TEC: variants seen among roughly 807,000 people sequenced by gnomAD.
TEC encodes the protein tyrosine-protein kinase Tec.
Under a neutral mutation model 93.0 loss-of-function variants are expected in TEC, and 72 were observed. That is an observed-to-expected ratio of 0.77 (90% CI 0.64 to 0.94). TEC has a LOEUF of 0.94. Ranked by LOEUF, TEC falls within the 40% of genes least tolerant of loss-of-function variation. The pLI is 0.00. For synonymous variants in TEC, 249 were observed against 247.7 expected, an observed-to-expected ratio of 1.01 and a Z score of -0.05; for missense variants, 630 against 757.9, an observed-to-expected ratio of 0.83 and a Z score of 1.98.
In TEC at chr4:48,154,650, A is replaced by G. The variant is rs570994439; in HGVS notation, c.792+2030T>C. 1.3e-3 allele frequency among the ~76,000 whole-genome samples: 196 copies of G among 152,324 alleles called. 1 individual carries two copies. The highest frequency in any genetic ancestry group is 2.4e-3 in the Non-Finnish European group (160 of 68,014). On this transcript the variant is annotated intron_variant, in intron 9 of 17. Coordinates refer to ENST00000381501, the MANE Select transcript of TEC (RefSeq NM_003215.3). Reference sequence around the variant, plus strand: ...GGTTGTTTCAAAATGAAGGGAAAAAATGATATAGATAAAACTAAATGGGTA... The same window carrying G: ...GGTTGTTTCAAAATGAAGGGAAAAAGTGATATAGATAAAACTAAATGGGTA...
intron 1 of TEC, among the ~76,000 whole-genome samples, chr4:48,247,549 T>C (rs1281659755): frequency 3.3e-5 from 5 of 152,234 alleles, no homozygotes; most frequent in African/African-American, 7.2e-5. Context: ...AATATGATAT[T>C]ATTCTACCCT....
intron 9 of TEC, among the ~76,000 whole-genome samples, chr4:48,154,243 G>A (rs1193605199): frequency 6.6e-6 from 1 of 152,136 alleles, no homozygotes; most frequent in Non-Finnish European, 1.5e-5. Context: ...TTTTTAAATT[G>A]TTGGTAAAAT....
chr4:48,150,808 T>C, intron 10 of TEC, 55 bp downstream of exon 10: 3 of 1,294,736 alleles, frequency 2.3e-6, no homozygotes, highest in Non-Finnish European at 2.1e-6. Context: ...ATAAACTACA[T>C]AGGAAGTTCA....
intron 1 of TEC, among the ~76,000 whole-genome samples, chr4:48,255,683 C>T (rs1724322802): frequency 6.6e-6 from 1 of 152,144 alleles, no homozygotes; most frequent in African/African-American, 2.4e-5. Context: ...TTCTCAGTAA[C>T]TCAGGTTCCT....
intron 2 of TEC, among the ~76,000 whole-genome samples, chr4:48,206,979 A>C (rs1722738828): frequency 6.6e-6 from 1 of 152,004 alleles, no homozygotes; most frequent in Non-Finnish European, 1.5e-5. Flanking sequence ...ACAAACAAAC[A>C]AAAAAACCCC....
chr4:48,201,952 A>ATTTT (rs780630248), intron 2 of TEC, among the ~76,000 whole-genome samples: 7,751 of 116,190 alleles, frequency 0.067, 384 homozygotes, highest in East Asian at 0.15. Context: ...ACTGTGGCTT[A>ATTTT]TTTTTTTTTT....
chr4:48,253,180 A>G (rs1724255565), intron 1 of TEC, among the ~76,000 whole-genome samples: 2 of 152,190 alleles, frequency 1.3e-5, no homozygotes, highest in South Asian at 4.1e-4. Flanking sequence ...TACGTAAGTT[A>G]TCTTACTTTT....
intron 2 of TEC, among the ~76,000 whole-genome samples, chr4:48,196,434 C>T (rs962605906): frequency 6.6e-6 from 1 of 152,180 alleles, no homozygotes; most frequent in African/African-American, 2.4e-5. Flanking sequence ...ATAATAGCAC[C>T]AGAACTTCAT....
chr4:48,234,499 C>G (rs1723732266), intron 1 of TEC, among the ~76,000 whole-genome samples: 1 of 152,108 alleles, frequency 6.6e-6, no homozygotes, highest in African/African-American at 2.4e-5. Flanking sequence ...GAGGTTCTTC[C>G]AAAGAATTCT....
At chr4:48,145,038 G>C in intron 14 of TEC, 41 bp downstream of exon 14, 1 of 1,577,424 alleles carries the variant, frequency 6.3e-7, no homozygotes, top group Non-Finnish European at 8.7e-7. Context: ...TGTTACAAAG[G>C]AATTCAGCCA....
At chr4:48,242,765 T>C (rs1723953732) in intron 1 of TEC, among the ~76,000 whole-genome samples, 1 of 152,186 alleles carries the variant, frequency 6.6e-6, no homozygotes, top group Admixed American at 6.5e-5. Context: ...TCAACCAAGC[T>C]CTCATGCTCT....
intron 14 of TEC, among the ~76,000 whole-genome samples, chr4:48,143,666 T>G (rs1040942081): frequency 1.3e-5 from 2 of 152,150 alleles, no homozygotes; most frequent in Non-Finnish European, 2.9e-5. Flanking sequence ...TCTCCAAATC[T>G]TCAATTCTCT....
intron 3 of TEC, among the ~76,000 whole-genome samples, chr4:48,173,238 C>T (rs1721186006): frequency 6.6e-6 from 1 of 152,110 alleles, no homozygotes; most frequent in Non-Finnish European, 1.5e-5. Flanking sequence ...AAACTCATCT[C>T]GTGTCAGTAC....
intron 1 of TEC, among the ~76,000 whole-genome samples, chr4:48,232,895 C>G (rs1449839516): frequency 6.6e-6 from 1 of 152,160 alleles, no homozygotes; most frequent in East Asian, 1.9e-4. Flanking sequence ...TATGGTATCT[C>G]TAGAAGTTGT....
Position 48,167,902 on chromosome 4 carries a change from T to C in TEC, c.547A>G (p.Ile183Val). Residue 183 changes from isoleucine to valine, a missense_variant, in exon 7 of 18, where the codon ATC becomes GTC. By Grantham distance (29) the Ile-to-Val change is conservative. Coordinates refer to ENST00000381501, the MANE Select transcript of TEC (RefSeq NM_003215.3). ...TGGAAATCATACATGGCTACAACGATTTCTTCACTATTATCTTCTTCTTCT... is the reference window on the plus strand; with the variant it reads ...TGGAAATCATACATGGCTACAACGACTTCTTCACTATTATCTTCTTCTTCT... The part of the protein sequence containing the change: ...PLEEEDNSEE[I>V]VVAMYDFQAA... 1 of 1,613,872 alleles carries C rather than the reference T, an allele frequency of 6.2e-7. No homozygotes were observed. The highest frequency in any genetic ancestry group is 8.5e-7 in the Non-Finnish European group (1 of 1,179,902).
At chr4:48,222,172 G>T (rs1239136555) in intron 2 of TEC, among the ~76,000 whole-genome samples, 4 of 152,160 alleles carry the variant, frequency 2.6e-5, no homozygotes, top group African/African-American at 9.7e-5. Flanking sequence ...ATCCTGGCAG[G>T]CAGGCAGAGG....
intron 3 of TEC, among the ~76,000 whole-genome samples, chr4:48,173,145 G>T (rs906189962): frequency 2.0e-5 from 3 of 152,006 alleles, no homozygotes; most frequent in African/African-American, 7.3e-5. Context: ...ATATGAGTAG[G>T]ATATTTAACC....
chr4:48,194,241 G>A (rs1352328200), intron 2 of TEC, among the ~76,000 whole-genome samples: 2 of 152,210 alleles, frequency 1.3e-5, no homozygotes, highest in African/African-American at 2.4e-5. Flanking sequence ...TATCTAGCCA[G>A]TTCTTCTACA....
chr4:48,163,722 T>G lies in TEC; in HGVS notation c.717A>C (p.Ser239=). The part of the protein sequence containing the change: ...IPSNYVTGKK[S]NNLDQYEWYC... ...CTTACTCATATTGATCTAAGTTGTT[T>G]GATTTCTTTCCCGTTACGTAATTAC... The change falls in exon 8 of 18, where the codon TCA becomes TCC. Residue 239 remains serine (S), a synonymous_variant. Transcript: ENST00000381501. 2.0e-6 allele frequency: 3 copies of G among 1,501,678 alleles called. No homozygotes were observed. Among genetic ancestry groups the G allele is most frequent in the Non-Finnish European group, 2.7e-6 (3 of 1,104,462 alleles). 93.0% of individuals were successfully genotyped at this position (1,501,678 alleles called of 1,614,324 possible).
Sources: allele counts gnomAD v4.1 joint callset (sites outside exome capture counted in the v4.1 genomes callset), GRCh38; gene constraint gnomAD v4.1.1; transcripts MANE v1.5; gene names NCBI Gene and HGNC (gene_info 2026-07-23, HGNC 2026-07-21).